Variants in CHODL observed in about 807,000 individuals in gnomAD.
The protein encoded by CHODL is chondrolectin.
In CHODL, 29 loss-of-function variants were observed where a neutral mutation model predicts 34.5. That is an observed-to-expected ratio of 0.84 (90% confidence interval 0.63 to 1.15). CHODL has a LOEUF of 1.15. Ranked by LOEUF, CHODL falls within the 50% of genes most tolerant of loss-of-function variation. The pLI, the probability that CHODL is intolerant of heterozygous loss-of-function variation, is 0.00. For synonymous variants in CHODL, 125 were observed against 116.1 expected (o/e 1.08, Z -0.49); for missense variants, 332 against 332.5 (o/e 1.00, Z 0.01).
intron 1 of CHODL, among the ~76,000 whole-genome samples, chr21:18,251,657 T>A (rs9974955): frequency 0.038 from 1,306 of 34,316 alleles, 83 homozygotes; most frequent in Non-Finnish European, 0.042. Context: ...TATAAAATAT[T>A]TATTTTATTT....
chr21:18,028,516 G>A (rs2064209855), intron 2 of CHODL, among the ~76,000 whole-genome samples: 1 of 151,572 alleles, frequency 6.6e-6, no homozygotes, highest in Non-Finnish European at 1.5e-5. Flanking sequence ...GACCAAACAT[G>A]GTGAAACCCC....
chr21:17,941,707 A>G (rs1306167731), intron 1 of CHODL, among the ~76,000 whole-genome samples: 1 of 152,202 alleles, frequency 6.6e-6, no homozygotes, highest in Non-Finnish European at 1.5e-5. Context: ...TCTACTACAT[A>G]CCTGTCTTAG....
chr21:18,180,445 A>G (rs894045921), intron 2 of CHODL, among the ~76,000 whole-genome samples: 1 of 152,206 alleles, frequency 6.6e-6, no homozygotes, highest in Non-Finnish European at 1.5e-5. Context: ...CTCCTGGTCA[A>G]TTATTGGTAA....
intron 1 of CHODL, among the ~76,000 whole-genome samples, chr21:17,954,042 A>G (rs1296161561): frequency 6.6e-6 from 1 of 152,166 alleles, no homozygotes; most frequent in Non-Finnish European, 1.5e-5. Context: ...AAATGTATAA[A>G]TGTAAAGACT....
intron 2 of CHODL, among the ~76,000 whole-genome samples, chr21:18,171,198 G>GTTGTTTTTTTTTTTTTTTTTTTTT: frequency 2.7e-5 from 1 of 37,066 alleles, no homozygotes; most frequent in South Asian, 1.7e-3. Flanking sequence ...GTTTTCTTTA[G>GTTGTTTTTTTTTTTTTTTTTTTTT]TTTTTTTTTT....
At chr21:18,217,652 G>T (rs111779659) in intron 2 of CHODL, among the ~76,000 whole-genome samples, 1 of 152,130 alleles carries the variant, frequency 6.6e-6, no homozygotes, top group East Asian at 1.9e-4. Flanking sequence ...AACCAATTAT[G>T]CCTTCCCAAC....
At chr21:18,024,025 A>G (rs558538311) in intron 1 of CHODL, among the ~76,000 whole-genome samples, 1 of 152,322 alleles carries the variant, frequency 6.6e-6, no homozygotes, top group South Asian at 2.1e-4. Flanking sequence ...GTATTTGTTT[A>G]CTGTGTTGAA....
chr21:17,931,167 G>T (rs367756559), intron 1 of CHODL, among the ~76,000 whole-genome samples: 2 of 152,286 alleles, frequency 1.3e-5, no homozygotes, highest in East Asian at 3.9e-4. Flanking sequence ...GCTCCTCATT[G>T]AAGTATTCAT....
intron 1 of CHODL, among the ~76,000 whole-genome samples, chr21:18,248,036 A>C (rs949293583): frequency 1.4e-5 from 2 of 147,324 alleles, no homozygotes; most frequent in African/African-American, 5.1e-5. Flanking sequence ...TTTTCTTTCT[A>C]GTGTGCATAG....
At chr21:18,259,924 A>G (rs1346670389) in intron 3 of CHODL, among the ~76,000 whole-genome samples, 1 of 152,220 alleles carries the variant, frequency 6.6e-6, no homozygotes, top group African/African-American at 2.4e-5. Flanking sequence ...GCAGCAGGCT[A>G]TCATCAGCAC....
At chr21:18,108,799 C>T (rs561151535) in intron 2 of CHODL, among the ~76,000 whole-genome samples, 33 of 150,906 alleles carry the variant, frequency 2.2e-4, no homozygotes, top group African/African-American at 6.6e-4. Context: ...GCTATGGAGA[C>T]GATTATAGTT....
intron 2 of CHODL, among the ~76,000 whole-genome samples, chr21:18,128,543 GTACAATTGTA>G (rs2072610781): frequency 6.6e-6 from 1 of 151,892 alleles, no homozygotes; most frequent in Non-Finnish European, 1.5e-5. Context: ...TCCAAAGAAA[GTACAATTGTA>G]TACTTACAAT....
intron 3 of CHODL, 39 bp from the exon 4 acceptor site, chr21:18,260,161 T>G: frequency 1.1e-6 from 1 of 911,118 alleles, no homozygotes; most frequent in East Asian, 2.9e-5. Context: ...ATTCTCTTGT[T>G]TAATCATTAT....
intron 2 of CHODL, among the ~76,000 whole-genome samples, chr21:18,096,045 A>G (rs1385985715): frequency 6.6e-6 from 1 of 152,194 alleles, no homozygotes; most frequent in Non-Finnish European, 1.5e-5. Flanking sequence ...TGAAGATTTC[A>G]TGGACATTAA....
chr21:18,182,793 A>G (rs1466498323), intron 2 of CHODL, among the ~76,000 whole-genome samples: 1 of 152,214 alleles, frequency 6.6e-6, no homozygotes, highest in East Asian at 1.9e-4. Context: ...TTAAAAAAAT[A>G]CAAGGTGCAA....
At chr21:18,238,271 C>G (rs975260116) in intron 2 of CHODL, among the ~76,000 whole-genome samples, 1 of 151,994 alleles carries the variant, frequency 6.6e-6, no homozygotes, top group African/African-American at 2.4e-5. Flanking sequence ...AAGACATACC[C>G]GAGACTGGGA....
At chr21:18,194,410 C>T (rs2073556611) in intron 2 of CHODL, among the ~76,000 whole-genome samples, 1 of 152,150 alleles carries the variant, frequency 6.6e-6, no homozygotes, top group Non-Finnish European at 1.5e-5. Flanking sequence ...TCTGAAGGAG[C>T]CAAGCTCATC....
rs144632519 is a variant in CHODL, at chr21:18,090,528, A to G, written c.-45+62557A>G. On this transcript the variant is annotated intron_variant, in intron 2 of 6. Transcript: ENST00000400127. ...TAACTTAAAAAATATTTCAGTTGAG[A>G]AGTTCAAAATAATTGAAATATATTA... is the stretch of plus-strand genomic sequence containing the variant. 5.3e-3 allele frequency among the ~76,000 whole-genome samples: 804 copies of G among 152,260 alleles called. 6 individuals carry two copies. Among genetic ancestry groups the G allele is most frequent in the African/African-American group, 0.018 (739 of 41,572 alleles).
intron 2 of CHODL, among the ~76,000 whole-genome samples, chr21:18,215,154 C>T (rs1179689622): frequency 6.6e-6 from 1 of 151,028 alleles, no homozygotes; most frequent in Non-Finnish European, 1.5e-5. Context: ...TTAGGTAATC[C>T]ATAAAAGGAA....
Sources: allele counts gnomAD v4.1 joint callset (sites outside exome capture counted in the v4.1 genomes callset), GRCh38; gene constraint gnomAD v4.1.1; transcripts MANE v1.5; gene names NCBI Gene and HGNC (gene_info 2026-07-23, HGNC 2026-07-21).